The following ADGRG6 variants were observed in gnomAD, a reference collection of about 807,000 sequenced individuals.
The protein encoded by ADGRG6 is adhesion G protein-coupled receptor G6.
In ADGRG6, 84 loss-of-function variants were observed where a neutral mutation model predicts 142.4. The ratio of observed to expected loss-of-function variants is 0.59; its 90% CI spans 0.49 to 0.71. ADGRG6 has a LOEUF of 0.71. Ranked by LOEUF, ADGRG6 falls within the 30% of genes least tolerant of loss-of-function variation. The pLI is 0.00. For synonymous variants in ADGRG6, 521 were observed against 520.5 expected, an observed-to-expected ratio of 1.00 and a Z score of -0.01; for missense variants, 1,367 against 1,466.6, an observed-to-expected ratio of 0.93 and a Z score of 1.11.
chr6:142,420,441 A>G (rs1334063420), intron 22 of ADGRG6, among the ~76,000 whole-genome samples: 1 of 152,196 alleles, frequency 6.6e-6, no homozygotes, highest in African/African-American at 2.4e-5. Flanking sequence ...AAAGGGATGC[A>G]CAGACAAGTT....
intron 15 of ADGRG6, among the ~76,000 whole-genome samples, chr6:142,406,306 CA>C (rs1299004407): frequency 6.6e-6 from 1 of 151,982 alleles, no homozygotes; most frequent in Non-Finnish European, 1.5e-5. Context: ...TACACATCCG[CA>C]GAGTAAGATG....
chr6:142,308,259 T>C (rs1035918900), intron 1 of ADGRG6, among the ~76,000 whole-genome samples: 2 of 151,978 alleles, frequency 1.3e-5, no homozygotes, highest in Non-Finnish European at 1.5e-5. Context: ...TTCCTTATTT[T>C]ACAGGTAAGA....
intron 22 of ADGRG6, among the ~76,000 whole-genome samples, chr6:142,424,870 T>C (rs987451841): frequency 9.2e-5 from 14 of 152,116 alleles, no homozygotes; most frequent in South Asian, 4.1e-4. Context: ...ACGTTGAGAA[T>C]GTGTTACAAA....
chr6:142,400,193 T>C (rs1775434615), intron 10 of ADGRG6, among the ~76,000 whole-genome samples: 1 of 152,242 alleles, frequency 6.6e-6, no homozygotes, highest in Non-Finnish European at 1.5e-5. Flanking sequence ...TATCTGCTAA[T>C]GATTAGAATG....
At position 142,408,197 on chromosome 6, in the gene ADGRG6, C is replaced by A; in HGVS notation, c.2316C>A (p.Cys772Ter). The A allele has an allele frequency of 6.3e-7, 1 of 1,582,492 alleles. No individual in the cohort carries two copies. Among genetic ancestry groups the A allele is most frequent in the Non-Finnish European group, 8.6e-7 (1 of 1,158,796 alleles). ...CTTTAGTGAGTTATGTGATGGCGTG[C>A]AGTATTGGAAACATTACTATCCAGA... ...RKTLVSYVMA[C>*]SIGNITIQNL... The change falls in exon 16 of 25, where the codon TGC becomes TGA. Residue 772 changes from cysteine to a stop codon, truncating the protein, a stop_gained. Transcript: ENST00000367609. LOFTEE classifies it high-confidence loss of function.
At chr6:142,382,723 G>A (rs1244135944) in intron 5 of ADGRG6, among the ~76,000 whole-genome samples, 1 of 151,980 alleles carries the variant, frequency 6.6e-6, no homozygotes, top group Non-Finnish European at 1.5e-5. Context: ...TACTTCTATA[G>A]TGAAGTAGCA....
At chr6:142,338,117 T>C (rs1779434962) in intron 2 of ADGRG6, among the ~76,000 whole-genome samples, 1 of 144,032 alleles carries the variant, frequency 6.9e-6, no homozygotes, top group Middle Eastern at 3.5e-3. Context: ...GCCTCCCGGG[T>C]TCACGCCATT....
In ADGRG6 at chr6:142,302,298, G is replaced by A; in HGVS notation, c.-32G>A. ...GAAAGTGGTGGAGGATGATCTTGCG[G>A]CCAAAGGGGACCTCGGCGCAGTAAT... On this transcript the variant is annotated 5_prime_UTR_variant, in exon 1 of 25. Transcript: ENST00000367609. 6.2e-7 allele frequency: 1 copy of A among 1,611,528 alleles called. No individual in the cohort carries two copies. Among genetic ancestry groups the A allele is most frequent in the Admixed American group, 1.7e-5 (1 of 59,788 alleles).
intron 22 of ADGRG6, among the ~76,000 whole-genome samples, chr6:142,422,879 T>A (rs1317898974): frequency 7.1e-6 from 1 of 141,800 alleles, no homozygotes; most frequent in Non-Finnish European, 1.5e-5. Flanking sequence ...AGATGGTATC[T>A]CATTGTGGTT....
chr6:142,370,012 C>G (rs1329026195), intron 3 of ADGRG6, among the ~76,000 whole-genome samples, 158 bp from the exon 4 acceptor site: 2 of 151,882 alleles, frequency 1.3e-5, no homozygotes, highest in East Asian at 3.9e-4. Context: ...TGGTAATGGG[C>G]TGGTGACAGA....
chr6:142,315,973 G>C (rs1490034551), intron 2 of ADGRG6, among the ~76,000 whole-genome samples: 2 of 152,106 alleles, frequency 1.3e-5, no homozygotes, highest in Non-Finnish European at 2.9e-5. Context: ...AAGTATCCCA[G>C]TGGGGAATAT....
intron 21 of ADGRG6, among the ~76,000 whole-genome samples, chr6:142,419,439 C>G (rs1023840676): frequency 6.6e-6 from 1 of 152,148 alleles, no homozygotes; most frequent in Non-Finnish European, 1.5e-5. Flanking sequence ...TACAGCCACT[C>G]CTTAAATACA....
chr6:142,443,408 G>A lies in ADGRG6; in HGVS notation c.3646G>A (p.Val1216Ile), dbSNP rs1777850692. The change falls in exon 25 of 25, where the codon GTC becomes ATC. Residue 1216 changes from valine to isoleucine, a missense_variant. By Grantham distance (29) the Val-to-Ile change is conservative. This residue lies in a region of ADGRG6 where 344 missense variants were observed against 348.7 expected (regional missense o/e 0.99). Transcript: ENST00000367609. ...TGGAGATCAAACATCAATCATCCCT[G>A]TCCATCAGGTCATTGATAAGGTCAA... ...ADGDQTSIIPVHQVIDKVKGY... is the reference protein window; with the variant it reads ...ADGDQTSIIPIHQVIDKVKGY... The A allele has an allele frequency of 6.2e-7, 1 of 1,610,734 alleles. No homozygotes were observed. The highest frequency in any genetic ancestry group is 1.3e-5 in the African/African-American group (1 of 74,942).
At chr6:142,302,553 T>TC in intron 1 of ADGRG6, 1 of 521,490 alleles carries the variant, frequency 1.9e-6, no homozygotes, top group Non-Finnish European at 3.3e-6. Context: ...CTGTTTTTTT[T>TC]CCCCCAGCGA....
chr6:142,327,119 T>C (rs1778815288), intron 2 of ADGRG6, among the ~76,000 whole-genome samples: 1 of 152,136 alleles, frequency 6.6e-6, no homozygotes, highest in African/African-American at 2.4e-5. Context: ...ATTAATTAAG[T>C]TGTTTTTAGA....
intron 2 of ADGRG6, among the ~76,000 whole-genome samples, chr6:142,337,525 A>G (rs1236736816): frequency 6.6e-6 from 1 of 151,974 alleles, no homozygotes; most frequent in Non-Finnish European, 1.5e-5. Context: ...AGGAGAGCTC[A>G]AGGCTTGCTT....
intron 9 of ADGRG6, among the ~76,000 whole-genome samples, chr6:142,395,382 CTT>C (rs1775125989): frequency 6.6e-6 from 1 of 152,124 alleles, no homozygotes; most frequent in Non-Finnish European, 1.5e-5. Flanking sequence ...TTGCTGGACA[CTT>C]TGTGTAGCAA....
intron 22 of ADGRG6, among the ~76,000 whole-genome samples, chr6:142,434,024 G>A (rs1057506217): frequency 1.3e-5 from 2 of 152,062 alleles, no homozygotes; most frequent in African/African-American, 4.8e-5. Context: ...ACTTCATCCA[G>A]CCTGGGCAAC....
At position 142,402,750 on chromosome 6, in the gene ADGRG6, A is replaced by G. The variant is rs1486432364; in HGVS notation, c.1875A>G (p.Ile625Met). ...TGAATAAAGAAGAAAACATTGATATAACACTTGGCTCAACTCTAATGAATA... is the reference window on the plus strand; with the variant it reads ...TGAATAAAGAAGAAAACATTGATATGACACTTGGCTCAACTCTAATGAATA... ...RIVNKEENID[I>M]TLGSTLMNIF... The change falls in exon 13 of 25, where the codon ATA (isoleucine) becomes ATG (methionine). Residue 625 changes from isoleucine (I) to methionine (M), a missense_variant. By Grantham distance (10) the Ile-to-Met change is conservative. This residue lies in a region of ADGRG6 where 737 missense variants were observed against 746.5 expected (regional missense o/e 0.99). Transcript: ENST00000367609. 1.9e-6 allele frequency: 3 copies of G among 1,599,882 alleles called. No individual in the cohort carries two copies. Among genetic ancestry groups the G allele is most frequent in the East Asian group, 2.2e-5 (1 of 44,706 alleles).
Sources: allele counts gnomAD v4.1 joint callset (sites outside exome capture counted in the v4.1 genomes callset), GRCh38; gene constraint gnomAD v4.1.1; regional missense constraint gnomAD v4.1.1; transcripts MANE v1.5; gene names NCBI Gene and HGNC (gene_info 2026-07-23, HGNC 2026-07-21).